MPDZ: variants seen among roughly 807,000 people sequenced by gnomAD.
MPDZ encodes multiple PDZ domain crumbs cell polarity complex component, also known as multiple PDZ domain protein.
A neutral mutation model predicts 239.1 loss-of-function variants in MPDZ; 234 were observed. That is an observed-to-expected ratio of 0.98 (90% confidence interval 0.88 to 1.09). MPDZ has a LOEUF of 1.09. MPDZ is among the 50% of genes least tolerant of loss of function. The probability of loss-of-function intolerance (pLI) is 0.00; values close to 1 mark genes in which losing one functional copy is unlikely to be tolerated. For missense variants in MPDZ, 3,175 were observed against 2,510.0 expected, an observed-to-expected ratio of 1.26 and a Z score of -5.66; for synonymous variants, 1,048 against 881.3, an observed-to-expected ratio of 1.19 and a Z score of -3.35.
At chr9:13,228,289 T>G (rs1961264024) in intron 3 of MPDZ, among the ~76,000 whole-genome samples, 1 of 152,100 alleles carries the variant, frequency 6.6e-6, no homozygotes, top group Admixed American at 6.6e-5. Flanking sequence ...CATATATTAA[T>G]TTATGGATTT....
At chr9:13,270,523 C>T (rs1170791479) in intron 1 of MPDZ, among the ~76,000 whole-genome samples, 2 of 150,188 alleles carry the variant, frequency 1.3e-5, no homozygotes, top group South Asian at 2.1e-4. Context: ...TGATAAAAGA[C>T]ATGGGTAAAA....
At chr9:13,268,187 G>T (rs1390730045) in intron 1 of MPDZ, among the ~76,000 whole-genome samples, 1 of 151,144 alleles carries the variant, frequency 6.6e-6, no homozygotes, top group African/African-American at 2.4e-5. Context: ...TAGAGAGAGA[G>T]AGATCTAGAT....
Position 13,106,139 on chromosome 9 carries a change from A to G in MPDZ, c.*826T>C. 1 of 152,208 alleles carries G rather than the reference A, an allele frequency of 6.6e-6. No individual in the cohort carries two copies. The highest frequency in any genetic ancestry group is 1.9e-4 in the East Asian group (1 of 5,190). The allele number at this position is 152,208 out of a possible 1,614,324, so 9.4% of individuals were successfully genotyped here. A position where few individuals can be genotyped will look rare whatever the true frequency, so the allele number is the denominator to read the frequency against. On this transcript the variant is annotated 3_prime_UTR_variant, in exon 47 of 47. Transcript: ENST00000319217. ...CATCGGTTGTTAAAACCAGCACTAA[A>G]GATTCTGGAACCCTTCTATGTTCCT... is the stretch of plus-strand genomic sequence containing the variant.
At chr9:13,160,595 G>C (rs1950339679) in intron 23 of MPDZ, among the ~76,000 whole-genome samples, 1 of 151,638 alleles carries the variant, frequency 6.6e-6, no homozygotes, top group African/African-American at 2.4e-5. Context: ...CAGTTTGACA[G>C]GAAGCACCAG....
chr9:13,194,764 G>A (rs1955421837), intron 13 of MPDZ, among the ~76,000 whole-genome samples: 1 of 152,048 alleles, frequency 6.6e-6, no homozygotes, highest in African/African-American at 2.4e-5. Flanking sequence ...AAAATGGCTA[G>A]TCAAAGGGTC....
intron 1 of MPDZ, among the ~76,000 whole-genome samples, chr9:13,254,635 T>C (rs758916901): frequency 6.6e-6 from 1 of 152,194 alleles, no homozygotes; most frequent in Non-Finnish European, 1.5e-5. Context: ...ACCACTGCAA[T>C]AAAGTGAATC....
At chr9:13,155,107 C>T (rs1301171023) in intron 24 of MPDZ, among the ~76,000 whole-genome samples, 1 of 151,118 alleles carries the variant, frequency 6.6e-6, no homozygotes, top group East Asian at 1.9e-4. Flanking sequence ...GTCCCACCTA[C>T]TTAGGAGGCT....
At chr9:13,151,912 A>G (rs1378923743) in intron 24 of MPDZ, among the ~76,000 whole-genome samples, 1 of 152,074 alleles carries the variant, frequency 6.6e-6, no homozygotes, top group African/African-American at 2.4e-5. Context: ...ATAGTTTAAA[A>G]TACCTTCTCA....
intron 12 of MPDZ, among the ~76,000 whole-genome samples, chr9:13,204,796 T>C (rs953220623): frequency 8.5e-5 from 13 of 152,282 alleles, no homozygotes; most frequent in East Asian, 3.9e-4. Context: ...TAAGAATAGA[T>C]TGACTCAGCA....
intron 3 of MPDZ, 95 bp downstream of exon 3, chr9:13,247,540 T>C (rs754744633): frequency 9.8e-5 from 134 of 1,361,626 alleles, no homozygotes; most frequent in Admixed American, 1.9e-4. Context: ...AACTATTCAT[T>C]AACACATAGA....
At chr9:13,209,405 T>A (rs569556419) in intron 10 of MPDZ, among the ~76,000 whole-genome samples, 8 of 152,302 alleles carry the variant, frequency 5.3e-5, no homozygotes, top group African/African-American at 1.9e-4. Flanking sequence ...ATTTTGTTAA[T>A]CTACAAATGA....
At chr9:13,190,004 C>T in intron 16 of MPDZ, 110 bp downstream of exon 16, 2 of 935,166 alleles carry the variant, frequency 2.1e-6, no homozygotes, top group South Asian at 2.1e-5. Context: ...TTTTGAAAGA[C>T]TGACTAGAAA....
chr9:13,136,349 T>TTTTTTTTTTTTTTTTTTTTTTTTTTA (rs1946782722), intron 30 of MPDZ, among the ~76,000 whole-genome samples, 167 bp from the exon 31 acceptor site: 1 of 140,998 alleles, frequency 7.1e-6, no homozygotes, highest in Non-Finnish European at 1.5e-5. Context: ...TTTTTTTTTT[T>TTTTTTTTTTTTTTTTTTTTTTTTTTA]GAGACAGAGT....
At chr9:13,124,016 CAT>C (rs1172794156) in intron 35 of MPDZ, among the ~76,000 whole-genome samples, 35 of 152,142 alleles carry the variant, frequency 2.3e-4, no homozygotes, top group Admixed American at 2.2e-3. Flanking sequence ...GTCTTCATAT[CAT>C]ATGTTTTACG....
At chr9:13,131,164 C>T (rs1275509408) in intron 32 of MPDZ, among the ~76,000 whole-genome samples, 2 of 152,048 alleles carry the variant, frequency 1.3e-5, no homozygotes, top group Non-Finnish European at 2.9e-5. Context: ...TTCTTTCTCC[C>T]TTCTTTGCTT....
At position 13,123,248 on chromosome 9, in the gene MPDZ, AG is replaced by A. The variant is rs754295109; in HGVS notation, c.4857del (p.Cys1620AlafsTer22). ...GTTTCGCAGCCAGGGATAATGGGGC[AG>A]GTTGCAGGATCAGAAGCAAAAATTG... ...TPAIFASDPA[T>X]CPIIPGCETT... On this transcript the variant is annotated frameshift_variant, in exon 36 of 47. Transcript: ENST00000319217. LOFTEE classifies it high-confidence loss of function. The A allele has an allele frequency of 6.2e-7, 1 of 1,613,414 alleles. No individual in the cohort carries two copies. Among genetic ancestry groups the A allele is most frequent in the South Asian group, 1.1e-5 (1 of 90,948 alleles).
At chr9:13,133,332 G>A (rs1203526120) in intron 32 of MPDZ, among the ~76,000 whole-genome samples, 1 of 152,104 alleles carries the variant, frequency 6.6e-6, no homozygotes, top group Non-Finnish European at 1.5e-5. Flanking sequence ...AACAATAATA[G>A]TCCATGATAA....
intron 12 of MPDZ, among the ~76,000 whole-genome samples, chr9:13,198,737 C>CTCTG (rs755487892): frequency 2.3e-4 from 16 of 69,804 alleles, no homozygotes; most frequent in African/African-American, 3.9e-4. Context: ...ATCTCTCTCT[C>CTCTG]TGTGTGTGTG....
intron 23 of MPDZ, among the ~76,000 whole-genome samples, chr9:13,161,046 A>T (rs1044458045): frequency 6.6e-6 from 1 of 151,366 alleles, no homozygotes; most frequent in East Asian, 2.0e-4. Context: ...CCAATCCCCA[A>T]CAGATAATGA....
Sources: gnomAD v4.1 joint callset for allele counts (sites outside exome capture counted in the v4.1 genomes callset) on GRCh38, gnomAD v4.1.1 for gene constraint, MANE v1.5 for transcripts, NCBI Gene and HGNC (gene_info 2026-07-23, HGNC 2026-07-21) for gene names.